Variants in PKHD1 observed in about 807,000 individuals in gnomAD.
The protein encoded by PKHD1 is PKHD1 ciliary IPT domain containing fibrocystin/polyductin.
A neutral mutation model predicts 412.0 loss-of-function variants in PKHD1; 291 were observed. That is an observed-to-expected ratio of 0.71 (90% CI 0.64 to 0.78). The LOEUF (loss-of-function observed/expected upper bound fraction) is 0.78. PKHD1 is among the 30% of genes least tolerant of loss of function. PKHD1 has a pLI of 0.00. For missense variants in PKHD1, 4,825 were observed against 4,950.7 expected (o/e 0.97, Z 0.76); for synonymous variants, 1,777 against 1,821.5 (o/e 0.98, Z 0.62).
chr6:51,942,006 CA>C (rs1199930102), intron 36 of PKHD1, among the ~76,000 whole-genome samples: 1 of 151,640 alleles, frequency 6.6e-6, no homozygotes, highest in African/African-American at 2.4e-5. Context: ...CAAACCCCAC[CA>C]CCTTCTACAA....
chr6:51,948,772 A>G (rs1789861362), intron 36 of PKHD1, among the ~76,000 whole-genome samples: 1 of 152,212 alleles, frequency 6.6e-6, no homozygotes, highest in Non-Finnish European at 1.5e-5. Context: ...ACTGTCAACC[A>G]TCAACATTTA....
chr6:51,709,365 C>G (rs1780378977), intron 60 of PKHD1, among the ~76,000 whole-genome samples: 1 of 152,334 alleles, frequency 6.6e-6, no homozygotes, highest in East Asian at 1.9e-4. Flanking sequence ...AGGACAACCA[C>G]ACATCCCCAT....
At chr6:51,848,079 G>A (rs1771531990) in intron 49 of PKHD1, 109 bp from the exon 50 acceptor site, 2 of 761,292 alleles carry the variant, frequency 2.6e-6, no homozygotes, top group Non-Finnish European at 2.3e-6. Flanking sequence ...CGCAGATGGA[G>A]TAGTTTAGAA....
intron 36 of PKHD1, among the ~76,000 whole-genome samples, chr6:51,950,220 A>AAAAAAAATATAT: frequency 4.4e-4 from 43 of 98,292 alleles, no homozygotes; most frequent in Admixed American, 1.3e-3. Flanking sequence ...GAAAAAAAAA[A>AAAAAAAATATAT]ATATATATAT....
At chr6:51,703,323 T>C (rs1779667987) in intron 60 of PKHD1, among the ~76,000 whole-genome samples, 2 of 152,012 alleles carry the variant, frequency 1.3e-5, no homozygotes, top group Admixed American at 1.3e-4. Flanking sequence ...TTCCAGTAAT[T>C]TGCTTGAATC....
rs896251664 is a variant in PKHD1 at position 51,932,806 on chromosome 6, C to T, written c.6121+1304G>A. ...CACACTGGGTAGCCCACAGTCAACA[C>T]TTAAATGCTTGAGGAAAAGATCTTG... On this transcript the variant is annotated intron_variant, in intron 37 of 66. Coordinates refer to ENST00000371117, the MANE Select transcript of PKHD1 (RefSeq NM_138694.4). Among the ~76,000 whole-genome samples the T allele has an allele frequency of 3.9e-5, 6 of 152,294 alleles. No individual in the cohort carries two copies. In the South Asian group the frequency reaches 6.2e-4, roughly 16 times the overall value.
chr6:51,982,189 G>A (rs1273051621), intron 35 of PKHD1, among the ~76,000 whole-genome samples: 13 of 46,014 alleles, frequency 2.8e-4, no homozygotes, highest in Non-Finnish European at 3.4e-4. Flanking sequence ...GGGAGGTGGG[G>A]GGGTCAGCCC....
chr6:51,707,447 C>A (rs1780140251), intron 60 of PKHD1, among the ~76,000 whole-genome samples: 1 of 152,120 alleles, frequency 6.6e-6, no homozygotes, highest in Admixed American at 6.6e-5. Context: ...AACCCACATC[C>A]TCCCAATTTA....
intron 49 of PKHD1, among the ~76,000 whole-genome samples, chr6:51,855,290 C>T (rs1773077642): frequency 6.6e-6 from 1 of 152,212 alleles, no homozygotes; most frequent in African/African-American, 2.4e-5. Context: ...CCGATGAAGG[C>T]TTCACATGCT....
At chr6:51,810,320 T>C (rs967228519) in intron 52 of PKHD1, among the ~76,000 whole-genome samples, 1 of 152,032 alleles carries the variant, frequency 6.6e-6, no homozygotes, top group African/African-American at 2.4e-5. Context: ...ATACAAATAA[T>C]CTATGCCACA....
chr6:51,726,074 C>A (rs910314932), intron 60 of PKHD1, among the ~76,000 whole-genome samples: 1 of 152,202 alleles, frequency 6.6e-6, no homozygotes, highest in Non-Finnish European at 1.5e-5. Flanking sequence ...AGTGCTCCCT[C>A]ATCTAAGCTT....
chr6:51,968,497 T>A (rs1240684699), intron 35 of PKHD1, among the ~76,000 whole-genome samples: 1 of 152,178 alleles, frequency 6.6e-6, no homozygotes, highest in Non-Finnish European at 1.5e-5. Context: ...ACAAATTCCT[T>A]ACATTTTGAT....
chr6:52,017,768 T>C (rs1800776229), intron 33 of PKHD1, 139 bp from the exon 34 acceptor site: 3 of 693,230 alleles, frequency 4.3e-6, no homozygotes, highest in South Asian at 3.2e-5. Flanking sequence ...TAAAATGTAT[T>C]GTATATGTGT....
At position 51,903,469 on chromosome 6, in the gene PKHD1, C is replaced by A. The variant is rs909757881; in HGVS notation, c.6996+128G>T. 1.4e-4 allele frequency: 111 copies of A among 781,080 alleles called. 3 individuals are homozygous for A. The highest frequency in any genetic ancestry group is 1.0e-3 in the South Asian group (75 of 73,780). 48.4% of individuals were successfully genotyped at this position (781,080 alleles called of 1,614,324 possible). A position where few individuals can be genotyped will look rare whatever the true frequency, so the allele number is the denominator to read the frequency against. On this transcript the variant is annotated intron_variant, in intron 43 of 66. Transcript: ENST00000371117. Reference sequence around the variant, plus strand: ...AGCGTTAGTGCATTTTATGTGTGACCCAATTCTTCCAATGGCAATTATTCT... The same window carrying A: ...AGCGTTAGTGCATTTTATGTGTGACACAATTCTTCCAATGGCAATTATTCT...
At chr6:51,909,195 A>G in intron 40 of PKHD1, 88 bp downstream of exon 40, 1 of 1,024,008 alleles carries the variant, frequency 9.8e-7, no homozygotes, top group Non-Finnish European at 1.5e-6. Flanking sequence ...CTCAAATCCC[A>G]CATATCATCT....
chr6:51,802,194 C>G (rs1349535021), intron 52 of PKHD1, among the ~76,000 whole-genome samples: 2 of 146,978 alleles, frequency 1.4e-5, no homozygotes, highest in African/African-American at 5.5e-5. Context: ...CCATTTAAAC[C>G]AAGGTCTATA....
At chr6:52,058,711 G>T in intron 15 of PKHD1, 110 bp from the exon 16 acceptor site, 2 of 1,148,652 alleles carry the variant, frequency 1.7e-6, no homozygotes, top group Non-Finnish European at 1.3e-6. Context: ...GAACTGGTCT[G>T]CCTTTTTAAC....
At chr6:51,833,162 C>A (rs913424661) in intron 51 of PKHD1, among the ~76,000 whole-genome samples, 1 of 152,114 alleles carries the variant, frequency 6.6e-6, no homozygotes, top group African/African-American at 2.4e-5. Flanking sequence ...TTCAAACAAG[C>A]AATGATTGTT....
At chr6:51,834,470 T>C (rs993831614) in intron 51 of PKHD1, among the ~76,000 whole-genome samples, 7 of 152,228 alleles carry the variant, frequency 4.6e-5, no homozygotes, top group Middle Eastern at 3.4e-3. Context: ...AGATAGATGG[T>C]TAACTCATTC....
Sources: allele counts gnomAD v4.1 joint callset (sites outside exome capture counted in the v4.1 genomes callset), GRCh38; gene constraint gnomAD v4.1.1; transcripts MANE v1.5; gene names NCBI Gene and HGNC (gene_info 2026-07-23, HGNC 2026-07-21).